Variants in NEB observed in about 807,000 individuals in gnomAD.
The protein encoded by NEB is nemaline myopathy type 2.
A neutral mutation model predicts 952.2 loss-of-function variants in NEB; 512 were observed. The ratio of observed to expected loss-of-function variants is 0.54; its 90% CI spans 0.50 to 0.58. NEB has a LOEUF of 0.58. Among genes scored for constraint, NEB ranks in the 20% least tolerant of loss-of-function variants. The pLI, the probability that NEB is intolerant of heterozygous loss-of-function variation, is 0.00. For synonymous variants in NEB, 2,900 were observed against 3,149.8 expected, an observed-to-expected ratio of 0.92 and a Z score of 2.66; for missense variants, 8,428 against 9,231.1, an observed-to-expected ratio of 0.91 and a Z score of 3.56.
intron 5 of NEB, among the ~76,000 whole-genome samples, 181 bp downstream of exon 5, chr2:151,727,510 G>A (rs1208673256): frequency 6.6e-6 from 1 of 152,114 alleles, no homozygotes. Context: ...ATGCTGCAAT[G>A]GTATAAATGA....
rs1553555882 is a variant in NEB, at chr2:151,498,274, C to CTTGA, written c.24189_24192dup (p.Glu8065SerfsTer5). 8 of 1,551,428 alleles carry CTTGA rather than the reference C, an allele frequency of 5.2e-6. No homozygotes were observed. The Admixed American group carries it at 5.9e-5, about 11-fold the overall frequency. ...TTCCAAAATACCGAGCTAAGGTTTT[C>CTTGA]TTGATTGTGTTTGACTCTCTGCATC... On this transcript the variant is annotated frameshift_variant, in exon 170 of 182. Coordinates refer to ENST00000397345, the MANE Select transcript of NEB (RefSeq NM_001164508.2). LOFTEE classifies it high-confidence loss of function.
chr2:151,555,282 G>A (rs898498220), intron 124 of NEB, among the ~76,000 whole-genome samples: 6 of 152,082 alleles, frequency 3.9e-5, no homozygotes, highest in African/African-American at 9.7e-5. Context: ...ACCACAGAGC[G>A]CTATGAAATT....
chr2:151,496,014 A>G (rs941649945), intron 173 of NEB, among the ~76,000 whole-genome samples: 3 of 152,124 alleles, frequency 2.0e-5, no homozygotes, highest in African/African-American at 7.2e-5. Flanking sequence ...GTGGATAGAG[A>G]GTAAGTTTGG....
chr2:151,529,460 T>C, intron 145 of NEB, 146 bp from the exon 146 acceptor site: 1 of 641,636 alleles, frequency 1.6e-6, no homozygotes, highest in Non-Finnish European at 2.8e-6. Flanking sequence ...GGAGCAAGGA[T>C]ACAGCCATGC....
In NEB at chr2:151,508,115, A is replaced by C; in HGVS notation, c.23347-6T>G. 1.9e-6 allele frequency: 3 copies of C among 1,584,608 alleles called. No individual in the cohort carries two copies. The highest frequency in any genetic ancestry group is 2.6e-6 in the Non-Finnish European group (3 of 1,159,980). On this transcript the variant is annotated splice_polypyrimidine_tract_variant and splice_region_variant and intron_variant, in intron 161 of 181. Coordinates refer to ENST00000397345, the MANE Select transcript of NEB (RefSeq NM_001164508.2). ...GCATCTTCCTTGTACTTTTTCTGGG[A>C]ATAGATTCCAAGAAATAAGGAGGGT...
intron 127 of NEB, among the ~76,000 whole-genome samples, 167 bp from the exon 128 acceptor site, chr2:151,552,943 T>C (rs1011837634): frequency 1.3e-5 from 2 of 152,206 alleles, no homozygotes; most frequent in African/African-American, 4.8e-5. Flanking sequence ...CCAACACTTA[T>C]ATGGGGCTTC....
intron 153 of NEB, among the ~76,000 whole-genome samples, chr2:151,520,926 TCTC>T (rs1167776526): frequency 6.6e-6 from 1 of 152,100 alleles, no homozygotes; most frequent in Non-Finnish European, 1.5e-5. Context: ...GACAGAAACA[TCTC>T]CTAATTGAAA....
chr2:151,671,542 T>A lies in NEB; in HGVS notation c.4300-313A>T, dbSNP rs76244655. 1.0e-2 allele frequency among the ~76,000 whole-genome samples: 1,516 copies of A among 152,204 alleles called. 31 individuals carry two copies. Among genetic ancestry groups the A allele is most frequent in the African/African-American group, 0.034 (1,410 of 41,516 alleles). ...TTATCTTAAAGCATTTTTTTTCAAG[T>A]CACTTACTGTATTATGAAGCCTAAT... On this transcript the variant is annotated intron_variant, in intron 37 of 181. Coordinates refer to ENST00000397345, the MANE Select transcript of NEB (RefSeq NM_001164508.2).
At chr2:151,515,496 T>A (rs1397958034) in intron 157 of NEB, among the ~76,000 whole-genome samples, 5 of 152,136 alleles carry the variant, frequency 3.3e-5, no homozygotes, top group African/African-American at 1.2e-4. Flanking sequence ...TACAGGTGTA[T>A]GCCACCACAC....
chr2:151,575,644 C>T, intron 107 of NEB, 51 bp downstream of exon 107: 1 of 1,275,478 alleles, frequency 7.8e-7, no homozygotes, highest in South Asian at 1.2e-5. Context: ...CATAGTATAG[C>T]CCTGACTGGG....
intron 135 of NEB, among the ~76,000 whole-genome samples, chr2:151,544,799 G>A (rs1559748819): frequency 6.6e-6 from 1 of 152,238 alleles, no homozygotes; most frequent in Non-Finnish European, 1.5e-5. Context: ...CAGAGCTACT[G>A]AGAAGGATGA....
intron 168 of NEB, among the ~76,000 whole-genome samples, chr2:151,499,698 G>A (rs2153030927): frequency 6.6e-6 from 1 of 152,256 alleles, no homozygotes; most frequent in East Asian, 1.9e-4. Flanking sequence ...GTGTACAATA[G>A]AAAAATTGCT....
At position 151,614,465 on chromosome 2, in the gene NEB, G is replaced by A. The variant is rs767902943; in HGVS notation, c.11412C>T (p.Tyr3804=). ...HVAKIQSDRE[Y]KKEFEKWKTK... is the part of the protein sequence containing the mutation. ...TCTTCCACTTCTCAAACTCCTTCTT[G>A]TACTCCCTGTCACTCTGGATCTTGG... The change falls in exon 77 of 182, where the codon TAC becomes TAT. Residue 3804 remains tyrosine, a synonymous_variant. Transcript: ENST00000397345. The A allele has an allele frequency of 2.5e-6, 4 of 1,613,672 alleles. No homozygotes were observed. In the African/African-American group the frequency reaches 5.3e-5, roughly 22 times the overall value.
chr2:151,635,057 C>A (rs188458344), intron 64 of NEB, among the ~76,000 whole-genome samples: 1 of 152,138 alleles, frequency 6.6e-6, no homozygotes, highest in African/African-American at 2.4e-5. Context: ...GTCCCAACTC[C>A]CCCACTCACT....
At chr2:151,557,044 C>A (rs956429375) in intron 124 of NEB, among the ~76,000 whole-genome samples, 8 of 151,932 alleles carry the variant, frequency 5.3e-5, no homozygotes, top group Non-Finnish European at 1.0e-4. Context: ...GATTGAGACA[C>A]AAAAAACCCT....
At position 151,581,335 on chromosome 2, in the gene NEB, C is replaced by A. The variant is rs1015282916; in HGVS notation, c.16284+148G>T. On this transcript the variant is annotated intron_variant, in intron 103 of 181. Coordinates refer to ENST00000397345, the MANE Select transcript of NEB (RefSeq NM_001164508.2). ...GTACATTATACAGACACACGCAGAC[C>A]CACACAGCTACTTATCATTAACTTA... 3.0e-5 allele frequency: 7 copies of A among 236,482 alleles called. No homozygotes were observed. In the Admixed American group the frequency reaches 3.6e-4, roughly 12 times the overall value. The allele number at this position is 236,482 out of a possible 1,614,324, so 14.6% of individuals were successfully genotyped here. A position where few individuals can be genotyped will look rare whatever the true frequency, so the allele number is the denominator to read the frequency against.
At chr2:151,662,111 A>G (rs750145113) in intron 46 of NEB, 24 bp downstream of exon 46, 6 of 1,584,826 alleles carry the variant, frequency 3.8e-6, no homozygotes, top group Non-Finnish European at 5.2e-6. Context: ...TGCATATGAA[A>G]CACTGCATTA....
chr2:151,627,524 T>C lies in NEB; in HGVS notation c.10142A>G (p.Asp3381Gly), dbSNP rs775050716. 4 of 1,613,192 alleles carry C rather than the reference T, an allele frequency of 2.5e-6. No homozygotes were observed. The highest frequency in any genetic ancestry group is 2.2e-5 in the East Asian group (1 of 44,878). ...TTACCATGGATCTTAATTACTCACA[T>C]CGCTCTGGAGGTCATAGGCCTGCCG... ...HARQAYDLQS[D>G]NIYKSDLQWL... Residue 3381 changes from aspartate (D) to glycine (G), a missense_variant and splice_region_variant, in exon 69 of 182, where the codon GAT becomes GGT. By Grantham distance (94) the Asp-to-Gly change is moderately conservative (BLOSUM62 -1). Transcript: ENST00000397345.
At position 151,643,860 on chromosome 2, in the gene NEB, G is replaced by A. The variant is rs373353657; in HGVS notation, c.7914C>T (p.Ser2638=). ...AGGCCTGCCGAGCATGGATGACATC[G>A]CTCTGGTCGGGCAGGCATGTCCACT... is the stretch of plus-strand genomic sequence containing the variant. ...LHQWTCLPDQ[S]DVIHARQAYD... The change falls in exon 57 of 182, where the codon AGC becomes AGT. Residue 2638 remains serine (S), a synonymous_variant. Transcript: ENST00000397345. 72 of 1,613,870 alleles carry A rather than the reference G, an allele frequency of 4.5e-5. No homozygotes were observed. Among genetic ancestry groups the A allele is most frequent in the Admixed American group, 1.3e-4 (8 of 60,010 alleles).
Sources: gnomAD v4.1 joint callset for allele counts (sites outside exome capture counted in the v4.1 genomes callset) on GRCh38, gnomAD v4.1.1 for gene constraint, MANE v1.5 for transcripts, NCBI Gene and HGNC (gene_info 2026-07-23, HGNC 2026-07-21) for gene names.